The following SUMF1 variants were observed in gnomAD, a reference collection of about 807,000 sequenced individuals.
The protein encoded by SUMF1 is formylglycine-generating enzyme.
Under a neutral mutation model 47.6 loss-of-function variants are expected in SUMF1, and 48 were observed. The observed-to-expected ratio is 1.01, with a 90% CI of 0.80 to 1.28. The LOEUF (loss-of-function observed/expected upper bound fraction) is 1.28. Ranked by LOEUF, SUMF1 falls within the 50% of genes most tolerant of loss-of-function variation. SUMF1 has a pLI of 0.00. For synonymous variants in SUMF1, 230 were observed against 192.1 expected (o/e 1.20, Z -1.63); for missense variants, 571 against 485.4 (o/e 1.18, Z -1.66).
intron 3 of SUMF1, among the ~76,000 whole-genome samples, chr3:4,426,134 G>C (rs1702060944): frequency 6.6e-6 from 1 of 152,186 alleles, no homozygotes; most frequent in South Asian, 2.1e-4. Flanking sequence ...GGGAGGGTGT[G>C]AGGGGTAAAC....
intron 9 of SUMF1, among the ~76,000 whole-genome samples, chr3:4,057,791 G>A (rs1201371893): frequency 6.6e-6 from 1 of 152,096 alleles, no homozygotes; most frequent in Admixed American, 6.6e-5. Flanking sequence ...AGTAGTTTAT[G>A]GGGATAGATT....
chr3:4,061,537 C>G (rs755705931), intron 9 of SUMF1, among the ~76,000 whole-genome samples: 1 of 152,264 alleles, frequency 6.6e-6, no homozygotes, highest in African/African-American at 2.4e-5. Flanking sequence ...TGAGACTGAT[C>G]TCCCATCTCC....
intron 7 of SUMF1, among the ~76,000 whole-genome samples, chr3:4,396,804 G>T (rs1260361246): frequency 6.6e-6 from 1 of 152,142 alleles, no homozygotes; most frequent in Non-Finnish European, 1.5e-5. Flanking sequence ...AGAAAAAAGA[G>T]TGAGGCCCCA....
rs60019211 is a variant in SUMF1 at position 4,316,967 on chromosome 3, G to A, written c.1014+59363C>T. ...TTCTTCTCCACGACAATGCCCGACC[G>A]CATGTTGCACAACCCACACTTCAAA... On this transcript the variant is annotated intron_variant and NMD_transcript_variant, in intron 8 of 12. Transcript: ENST00000448413. 1.9e-3 allele frequency: 2,971 copies of A among 1,549,384 alleles called. 46 individuals are homozygous for A. In the African/African-American group the frequency reaches 0.033, roughly 17 times the overall value.
intron 8 of SUMF1, among the ~76,000 whole-genome samples, chr3:4,192,108 G>A (rs1465680323): frequency 6.6e-6 from 1 of 152,126 alleles, no homozygotes; most frequent in East Asian, 1.9e-4. Context: ...AGTCTGGGCT[G>A]AGCTTTGCCC....
intron 3 of SUMF1, among the ~76,000 whole-genome samples, chr3:4,426,914 C>T (rs2322683): frequency 0.64 from 97,626 of 152,062 alleles, 32,060 homozygotes; most frequent in East Asian, 0.98. Context: ...GCTGTATGAG[C>T]CAGCCAGTGA....
At chr3:4,386,464 T>A (rs1700676454) in intron 7 of SUMF1, among the ~76,000 whole-genome samples, 1 of 152,150 alleles carries the variant, frequency 6.6e-6, no homozygotes, top group South Asian at 2.1e-4. Context: ...ATAAACTTTA[T>A]AAACTGAAAT....
chr3:4,371,876 T>C (rs1700179149), intron 8 of SUMF1, among the ~76,000 whole-genome samples: 1 of 152,212 alleles, frequency 6.6e-6, no homozygotes, highest in African/African-American at 2.4e-5. Flanking sequence ...TCTAGCCTAT[T>C]CAATCTGATT....
chr3:4,282,713 G>A (rs1037483216), intron 8 of SUMF1, among the ~76,000 whole-genome samples: 6 of 152,124 alleles, frequency 3.9e-5, no homozygotes, highest in Non-Finnish European at 8.8e-5. Context: ...ATCTTATTTT[G>A]AAACTTAAAA....
chr3:4,380,146 T>G (rs930714431), intron 7 of SUMF1, among the ~76,000 whole-genome samples: 5 of 151,806 alleles, frequency 3.3e-5, no homozygotes, highest in African/African-American at 1.2e-4. Flanking sequence ...TGGGGATGCA[T>G]AAGAATCCAC....
chr3:4,250,839 G>T (rs546673511), intron 8 of SUMF1, among the ~76,000 whole-genome samples: 1 of 152,104 alleles, frequency 6.6e-6, no homozygotes, highest in Admixed American at 6.6e-5. Context: ...CAGAAAAAAA[G>T]ATTACTTTCA....
intron 8 of SUMF1, among the ~76,000 whole-genome samples, chr3:4,071,120 G>A (rs79090195): frequency 0.041 from 6,302 of 152,104 alleles, 403 homozygotes; most frequent in East Asian, 0.19. Context: ...TAATTTTGGT[G>A]ATTCTACATA....
intron 7 of SUMF1, among the ~76,000 whole-genome samples, chr3:4,409,537 AC>A (rs1701477628): frequency 6.6e-6 from 1 of 152,090 alleles, no homozygotes; most frequent in Non-Finnish European, 1.5e-5. Context: ...GGCCTTGTGC[AC>A]CCCCTTCCAA....
chr3:4,087,700 T>C (rs1692700917), intron 8 of SUMF1, among the ~76,000 whole-genome samples: 1 of 151,816 alleles, frequency 6.6e-6, no homozygotes, highest in South Asian at 2.1e-4. Context: ...TATTATATAA[T>C]CAAATTGAAA....
At chr3:4,251,495 G>C (rs1224421391) in intron 8 of SUMF1, among the ~76,000 whole-genome samples, 1 of 152,170 alleles carries the variant, frequency 6.6e-6, no homozygotes. Context: ...TTTGAAAGAA[G>C]TTCTGTGTGT....
chr3:4,130,620 T>C (rs1201858105), intron 8 of SUMF1, among the ~76,000 whole-genome samples: 1 of 152,100 alleles, frequency 6.6e-6, no homozygotes, highest in Admixed American at 6.6e-5. Flanking sequence ...AACTTCTACC[T>C]CAGTACAATT....
chr3:4,067,591 C>T (rs1437129398), intron 9 of SUMF1, among the ~76,000 whole-genome samples: 1 of 152,220 alleles, frequency 6.6e-6, no homozygotes, highest in Non-Finnish European at 1.5e-5. Context: ...ATTGAGCAAG[C>T]TCTGGGGCAT....
At chr3:4,078,239 G>A (rs533354502) in intron 8 of SUMF1, among the ~76,000 whole-genome samples, 2 of 152,222 alleles carry the variant, frequency 1.3e-5, no homozygotes, top group South Asian at 4.2e-4. Flanking sequence ...ATCAAACTAT[G>A]CAGATGGAAA....
intron 7 of SUMF1, among the ~76,000 whole-genome samples, chr3:4,378,205 T>TA (rs1700389676): frequency 1.3e-5 from 2 of 152,324 alleles, no homozygotes; most frequent in East Asian, 3.9e-4. Context: ...ACACTCATGT[T>TA]AGTCTGTAGT....
Sources: gnomAD v4.1 joint callset for allele counts (sites outside exome capture counted in the v4.1 genomes callset) on GRCh38, gnomAD v4.1.1 for gene constraint, MANE v1.5 for transcripts, NCBI Gene and HGNC (gene_info 2026-07-23, HGNC 2026-07-21) for gene names.